Variants in FAM184B observed in about 807,000 individuals in gnomAD.
FAM184B encodes protein FAM184B.
In FAM184B, 111 loss-of-function variants were observed where a neutral mutation model predicts 135.9. The ratio of observed to expected loss-of-function variants is 0.82; its 90% CI spans 0.70 to 0.96. The LOEUF (loss-of-function observed/expected upper bound fraction) is 0.96, where lower values mean the gene tolerates loss of function less well. Ranked by LOEUF, FAM184B falls within the 40% of genes least tolerant of loss-of-function variation. FAM184B has a pLI of 0.00. For synonymous variants in FAM184B, 552 were observed against 524.8 expected (o/e 1.05, Z -0.71); for missense variants, 1,375 against 1,323.9 (o/e 1.04, Z -0.60).
chr4:17,717,428 C>T (rs1717420599), intron 1 of FAM184B, among the ~76,000 whole-genome samples: 1 of 152,148 alleles, frequency 6.6e-6, no homozygotes, highest in Admixed American at 6.5e-5. Context: ...GGTCGCTTGG[C>T]AACTCTTCTG....
intron 1 of FAM184B, among the ~76,000 whole-genome samples, chr4:17,779,390 A>G (rs184335944): frequency 2.7e-4 from 41 of 152,352 alleles, no homozygotes; most frequent in African/African-American, 9.6e-4. Context: ...CAGACGCACT[A>G]CATAAGGATC....
intron 3 of FAM184B, 141 bp downstream of exon 3, chr4:17,707,508 G>A (rs1251270038): frequency 2.8e-6 from 3 of 1,052,794 alleles, no homozygotes; most frequent in Non-Finnish European, 4.1e-6. Context: ...GCAGGGATTG[G>A]TCTCACCCAC....
intron 1 of FAM184B, among the ~76,000 whole-genome samples, chr4:17,779,976 C>G (rs796832012): frequency 6.6e-6 from 1 of 152,090 alleles, no homozygotes; most frequent in Admixed American, 6.6e-5. Context: ...TCAATAGTAC[C>G]AGCTATACAT....
intron 1 of FAM184B, among the ~76,000 whole-genome samples, chr4:17,732,698 C>G (rs1419509180): frequency 6.6e-6 from 1 of 152,092 alleles, no homozygotes; most frequent in Non-Finnish European, 1.5e-5. Flanking sequence ...TAATCAATAG[C>G]TTACCAACCA....
At chr4:17,708,704 TATATA>T (rs1418045199) in intron 2 of FAM184B, among the ~76,000 whole-genome samples, 183 bp downstream of exon 2, 46 of 55,450 alleles carry the variant, frequency 8.3e-4, no homozygotes, top group Non-Finnish European at 1.4e-3. Context: ...TATATATATA[TATATA>T]GTGTCTGTGT....
intron 4 of FAM184B, 42 bp from the exon 5 acceptor site, chr4:17,705,248 G>T: frequency 6.9e-7 from 1 of 1,452,490 alleles, no homozygotes; most frequent in Middle Eastern, 1.8e-4. Flanking sequence ...CTGGGGAGGG[G>T]TGAGGAGCAA....
At chr4:17,713,867 T>G (rs1267512290) in intron 1 of FAM184B, among the ~76,000 whole-genome samples, 2 of 152,176 alleles carry the variant, frequency 1.3e-5, no homozygotes, top group African/African-American at 4.8e-5. Flanking sequence ...TCAGAAATAT[T>G]TTAATCCAGT....
rs150332663 is a variant in FAM184B, at chr4:17,776,128, C to T, written c.141+5031G>A. Among the ~76,000 whole-genome samples the T allele has an allele frequency of 4.1e-3, 627 of 152,286 alleles. 5 individuals are homozygous for T. The highest frequency in any genetic ancestry group is 0.014 in the African/African-American group (590 of 41,548). ...ATTGTGTAAATAAATATTTACTACACTACCACATAGTGAGTGCCTACCAGG... is the reference window on the plus strand; with the variant it reads ...ATTGTGTAAATAAATATTTACTACATTACCACATAGTGAGTGCCTACCAGG... On this transcript the variant is annotated intron_variant, in intron 1 of 17. Transcript: ENST00000265018.
chr4:17,755,624 C>T (rs1254833405), intron 1 of FAM184B, among the ~76,000 whole-genome samples: 1 of 152,156 alleles, frequency 6.6e-6, no homozygotes, highest in Non-Finnish European at 1.5e-5. Context: ...TTCATTGCAG[C>T]ACTATGCACA....
At chr4:17,712,703 A>C (rs1717307239) in intron 1 of FAM184B, among the ~76,000 whole-genome samples, 1 of 152,158 alleles carries the variant, frequency 6.6e-6, no homozygotes, top group Non-Finnish European at 1.5e-5. Context: ...CAACCATGGA[A>C]GAGCTTTCAC....
chr4:17,748,163 T>G (rs909237434), intron 1 of FAM184B, among the ~76,000 whole-genome samples: 28 of 151,670 alleles, frequency 1.8e-4, no homozygotes, highest in African/African-American at 6.5e-4. Context: ...CATTTGTTTT[T>G]TTCTTCAATG....
At position 17,636,660 on chromosome 4, in the gene FAM184B, C is replaced by T. The variant is rs767619949; in HGVS notation, c.2667-15G>A. On this transcript the variant is annotated splice_polypyrimidine_tract_variant and intron_variant, in intron 14 of 17. Coordinates refer to ENST00000265018, the MANE Select transcript of FAM184B (RefSeq NM_015688.2). ...AATCTTTCAGTCTGTTCCAAGCAGG[C>T]ATGCAGTCAAGTCCCCCTTACAGCA... 2.0e-5 allele frequency: 31 copies of T among 1,534,642 alleles called. No individual in the cohort carries two copies. The South Asian group carries it at 3.3e-4, about 16-fold the overall frequency.
Position 17,725,907 on chromosome 4 carries a change from G to A in FAM184B, c.142-16263C>T, listed in dbSNP as rs78464357. On this transcript the variant is annotated intron_variant, in intron 1 of 17. Transcript: ENST00000265018. The stretch of plus-strand genomic sequence containing the variant: ...CAGCAACCAAATCCCATATATGTAC[G>A]GATTTACTAATCAAAACTCTTCTTT... Among the ~76,000 whole-genome samples the A allele has an allele frequency of 2.7e-3, 408 of 152,026 alleles. 8 individuals carry two copies. In the East Asian group the frequency reaches 0.037, roughly 14 times the overall value.
intron 12 of FAM184B, among the ~76,000 whole-genome samples, chr4:17,642,478 C>T (rs561476584): frequency 5.4e-4 from 82 of 152,274 alleles, no homozygotes; most frequent in Non-Finnish European, 1.0e-3. Context: ...GTCTTGCATC[C>T]AAATGAACAC....
At chr4:17,655,703 G>A (rs533966363) in intron 10 of FAM184B, among the ~76,000 whole-genome samples, 2 of 152,356 alleles carry the variant, frequency 1.3e-5, no homozygotes, top group South Asian at 2.1e-4. Context: ...AGGACACATA[G>A]TGTAGTGATC....
intron 1 of FAM184B, among the ~76,000 whole-genome samples, chr4:17,719,384 T>C (rs1427479082): frequency 1.3e-5 from 2 of 152,156 alleles, no homozygotes; most frequent in South Asian, 2.1e-4. Context: ...CAACGACAAA[T>C]AATTTAAAAC....
chr4:17,709,517 C>T lies in FAM184B; in HGVS notation c.269G>A (p.Gly90Asp), dbSNP rs1717204525. 6.4e-7 allele frequency: 1 copy of T among 1,551,132 alleles called. No individual in the cohort carries two copies. Reference protein sequence around the residue: ...ETKARLLQEQGCAEEEALLQR... With the variant: ...ETKARLLQEQDCAEEEALLQR... ...TAGAAGGGCTTCCTCCTCTGCGCAG[C>T]CCTGTTCCTGCAGGAGCCTGGCCTT... Residue 90 changes from glycine to aspartate, a missense_variant, in exon 2 of 18, where the codon GGC becomes GAC. By Grantham distance (94) the Gly-to-Asp change is moderately conservative (BLOSUM62 -1). Coordinates refer to ENST00000265018, the MANE Select transcript of FAM184B (RefSeq NM_015688.2).
intron 1 of FAM184B, among the ~76,000 whole-genome samples, chr4:17,768,944 C>T (rs1250801749): frequency 6.6e-6 from 1 of 152,092 alleles, no homozygotes; most frequent in African/African-American, 2.4e-5. Context: ...GCTGAGATTA[C>T]AGGCATGCGC....
At chr4:17,637,765 G>C (rs898963983) in intron 14 of FAM184B, among the ~76,000 whole-genome samples, 1 of 152,202 alleles carries the variant, frequency 6.6e-6, no homozygotes, top group Admixed American at 6.5e-5. Flanking sequence ...GGCTTCACCT[G>C]TTTGGACCTG....
Sources: gnomAD v4.1 joint callset for allele counts (sites outside exome capture counted in the v4.1 genomes callset) on GRCh38, gnomAD v4.1.1 for gene constraint, MANE v1.5 for transcripts, NCBI Gene and HGNC (gene_info 2026-07-23, HGNC 2026-07-21) for gene names.